The following FMR1 variants were observed in gnomAD, a reference collection of about 807,000 sequenced individuals.
FMR1 encodes the protein FMRP translational regulator 1.
In FMR1, 13 loss-of-function variants were observed where a neutral mutation model predicts 50.6. The observed-to-expected ratio is 0.26, with a 90% confidence interval of 0.17 to 0.41. FMR1 has a LOEUF of 0.41. Among genes scored for constraint, FMR1 ranks in the 10% least tolerant of loss-of-function variants. The pLI is 1.00. For missense variants in FMR1, 316 were observed against 491.3 expected, an observed-to-expected ratio of 0.64 and a Z score of 3.37; for synonymous variants, 138 against 164.1, an observed-to-expected ratio of 0.84 and a Z score of 1.22.
In FMR1 at chrX:147,949,897, G is replaced by A. The variant is rs1254518672; in HGVS notation, c.*1053G>A. The A allele has an allele frequency of 6.1e-6, 2 of 326,868 alleles. No homozygotes were observed. The highest frequency in any genetic ancestry group is 1.2e-5 in the Non-Finnish European group (2 of 169,304). 26.9% of individuals were successfully genotyped at this position (326,868 alleles called of 1,213,427 possible). A position where few individuals can be genotyped will look rare whatever the true frequency, so the allele number is the denominator to read the frequency against. ...ATTTCCATGTATGCATAATAATCCT[G>A]CAAAGTACAGGTACTTTGTCTAAGA... On this transcript the variant is annotated 3_prime_UTR_variant, in exon 17 of 17. Coordinates refer to ENST00000370475, the MANE Select transcript of FMR1 (RefSeq NM_002024.6).
intron 14 of FMR1, 134 bp downstream of exon 14, chrX:147,943,460 G>A: frequency 1.8e-6 from 1 of 569,620 alleles, no homozygotes; most frequent in Non-Finnish European, 2.9e-6. Flanking sequence ...GTTAAATTGT[G>A]TTACAGGAGA....
At chrX:147,918,298 C>T (rs782153482) in intron 1 of FMR1, among the ~76,000 whole-genome samples, 1 of 111,776 alleles carries the variant, frequency 8.9e-6, no homozygotes, top group South Asian at 3.7e-4. Flanking sequence ...TTGTCCTTCA[C>T]GCGAGTGTAG....
At position 147,939,844 on chromosome X, in the gene FMR1, G is replaced by A. The variant is rs781873697; in HGVS notation, c.1189-732G>A. 8.9e-5 allele frequency among the ~76,000 whole-genome samples: 9 copies of A among 101,081 alleles called. No individual in the cohort carries two copies. In the East Asian group the frequency reaches 2.2e-3, roughly 24 times the overall value. The allele number at this position is 101,081 out of a possible 115,157, so 87.8% of individuals were successfully genotyped here. A position where few individuals can be genotyped will look rare whatever the true frequency, so the allele number is the denominator to read the frequency against. On this transcript the variant is annotated intron_variant, in intron 12 of 16. Transcript: ENST00000370475. ...GGCCTGGGGAGGTCGAGGCTACAGCGAGCCATTATCATGCCACTGCACTCC... is the reference window on the plus strand; with the variant it reads ...GGCCTGGGGAGGTCGAGGCTACAGCAAGCCATTATCATGCCACTGCACTCC...
chrX:147,926,903 GA>G (rs2043409428), intron 3 of FMR1, among the ~76,000 whole-genome samples: 1 of 111,026 alleles, frequency 9.0e-6, no homozygotes, highest in African/African-American at 3.3e-5. Context: ...TGACAGATGT[GA>G]GTCTTAAAGA....
In FMR1 at chrX:147,930,256, T is replaced by C. The variant is rs1557178466; in HGVS notation, c.630+12T>C. On this transcript the variant is annotated intron_variant, in intron 7 of 16. Coordinates refer to ENST00000370475, the MANE Select transcript of FMR1 (RefSeq NM_002024.6). ...GTAAGCAGCTGGAGGTATGTCACTT[T>C]CCCTAGCACTGCTTGTAAGGGTACC... The C allele has an allele frequency of 2.0e-6, 2 of 990,410 alleles. No individual in the cohort carries two copies. Among genetic ancestry groups the C allele is most frequent in the Admixed American group, 4.4e-5 (2 of 45,724 alleles). 81.6% of individuals were successfully genotyped at this position (990,410 alleles called of 1,213,427 possible).
chrX:147,948,606 T>A, intron 16 of FMR1, 77 bp from the exon 17 acceptor site: 1 of 1,202,251 alleles, frequency 8.3e-7, no homozygotes, highest in Non-Finnish European at 1.1e-6. Flanking sequence ...ACACTTCAGG[T>A]TTAAATTTCT....
chrX:147,919,823 AGAGCAGC>A (rs1265297620), intron 1 of FMR1, among the ~76,000 whole-genome samples: 2 of 112,198 alleles, frequency 1.8e-5, no homozygotes. Context: ...GTTTTTCTTA[AGAGCAGC>A]TAATTAATGC....
intron 2 of FMR1, chrX:147,924,892 A>C (rs1468834222): frequency 2.7e-5 from 3 of 110,364 alleles, no homozygotes; most frequent in African/African-American, 9.9e-5. Context: ...TTAAATTTAA[A>C]AACATAGGCA....
rs2044256395 is a variant in FMR1 at position 147,948,690 on chromosome X, T to C, written c.1745T>C (p.Val582Ala). The change falls in exon 17 of 17, where the codon GTT becomes GCT. Residue 582 changes from valine to alanine, a missense_variant. Physicochemically the swap from Val to Ala is moderately conservative, Grantham distance 64. Coordinates refer to ENST00000370475, the MANE Select transcript of FMR1 (RefSeq NM_002024.6). ...RTTDGSLQIR[V>A]DCNNERSVHT... is the part of the protein sequence containing the mutation. ...AACTATAACTTGTTTTAGATCAGAG[T>C]TGACTGCAATAATGAAAGGAGTGTC... The C allele has an allele frequency of 1.7e-6, 2 of 1,209,828 alleles. No individual in the cohort carries two copies. Among genetic ancestry groups the C allele is most frequent in the South Asian group, 3.5e-5 (2 of 56,808 alleles).
In FMR1 at chrX:147,919,093, G is replaced by A. The variant is rs1557175945; in HGVS notation, c.52-2840G>A. ...AACTAATGTTAATTACTGCCAAGAT[G>A]TATAAACATTATGAAACCTTAAACA... On this transcript the variant is annotated intron_variant, in intron 1 of 16. Coordinates refer to ENST00000370475, the MANE Select transcript of FMR1 (RefSeq NM_002024.6). Among the ~76,000 whole-genome samples, 4 of 111,750 alleles carry A rather than the reference G, an allele frequency of 3.6e-5. No individual in the cohort carries two copies. The Admixed American group carries it at 3.8e-4, about 11-fold the overall frequency.
rs782216982 is a variant in FMR1, at chrX:147,918,528, C to T, written c.52-3405C>T. 5.4e-5 allele frequency among the ~76,000 whole-genome samples: 5 copies of T among 92,578 alleles called. No individual in the cohort carries two copies. In the East Asian group the frequency reaches 1.2e-3, roughly 22 times the overall value. 80.4% of individuals were successfully genotyped at this position (92,578 alleles called of 115,157 possible). Reference sequence around the variant, plus strand: ...TCTGACACTACATCCGGAAATCATCCGGAAATGCATTCAGAGCCTGCAAAA... The same window carrying T: ...TCTGACACTACATCCGGAAATCATCTGGAAATGCATTCAGAGCCTGCAAAA... On this transcript the variant is annotated intron_variant, in intron 1 of 16. Coordinates refer to ENST00000370475, the MANE Select transcript of FMR1 (RefSeq NM_002024.6).
chrX:147,914,514 A>G (rs184073960), intron 1 of FMR1: 2 of 112,556 alleles, frequency 1.8e-5, no homozygotes, highest in East Asian at 5.6e-4. Flanking sequence ...TCAAATTGAT[A>G]GAAAAGCTTT....
chrX:147,949,038 A>T lies in FMR1; in HGVS notation c.*194A>T. On this transcript the variant is annotated 3_prime_UTR_variant, in exon 17 of 17. Coordinates refer to ENST00000370475, the MANE Select transcript of FMR1 (RefSeq NM_002024.6). ...AATTTTCAGATTTGCACAAAAAGAT[A>T]CCTTAAAATTTGAAACATTGCTTTT... 1 of 513,039 alleles carries T rather than the reference A, an allele frequency of 1.9e-6. No individual in the cohort carries two copies. Among genetic ancestry groups the T allele is most frequent in the African/African-American group, 2.3e-5 (1 of 43,690 alleles). 42.3% of individuals were successfully genotyped at this position (513,039 alleles called of 1,213,427 possible).
At chrX:147,947,955 T>C (rs969798701) in intron 16 of FMR1, among the ~76,000 whole-genome samples, 9 of 112,301 alleles carry the variant, frequency 8.0e-5, no homozygotes, top group Non-Finnish European at 1.3e-4. Context: ...AAATATTTTA[T>C]AGCTCTTAGA....
intron 2 of FMR1, chrX:147,924,854 G>A (rs1392124940): frequency 1.8e-5 from 2 of 109,570 alleles, no homozygotes; most frequent in East Asian, 2.8e-4. Flanking sequence ...AAATAATTTG[G>A]TATCTTTCAG....
chrX:147,929,958 G>C lies in FMR1; in HGVS notation c.430G>C (p.Glu144Gln). The C allele has an allele frequency of 1.7e-6, 2 of 1,190,169 alleles. No individual in the cohort carries two copies. Among genetic ancestry groups the C allele is most frequent in the South Asian group, 3.6e-5 (2 of 56,173 alleles). ...TTTTTAAATTTCTAGGTGTGCCAAA[G>C]AGGCGGCACATAAGGATTTTAAAAA... ...PEDLRQMCAK[E>Q]AAHKDFKKAV... Residue 144 changes from glutamate (E) to glutamine (Q), a missense_variant, in exon 6 of 17, where the codon GAG becomes CAG. By Grantham distance (29) the Glu-to-Gln change is conservative. Coordinates refer to ENST00000370475, the MANE Select transcript of FMR1 (RefSeq NM_002024.6).
chrX:147,920,720 T>C (rs187571664), intron 1 of FMR1, among the ~76,000 whole-genome samples: 143 of 111,943 alleles, frequency 1.3e-3, no homozygotes, highest in Middle Eastern at 4.6e-3. Flanking sequence ...GGGATAAGCA[T>C]AGGATGCTAT....
intron 1 of FMR1, 22 bp from the exon 2 acceptor site, chrX:147,921,911 T>C: frequency 9.2e-7 from 1 of 1,084,832 alleles, no homozygotes. Context: ...CACAAGTTAA[T>C]TTAACGTTTT....
At chrX:147,940,300 G>T in intron 12 of FMR1, 1 of 309,658 alleles carries the variant, frequency 3.2e-6, no homozygotes, top group Non-Finnish European at 5.7e-6. Flanking sequence ...GTATAATTTT[G>T]AATTATACAT....
Sources: gnomAD v4.1 joint callset for allele counts (sites outside exome capture counted in the v4.1 genomes callset) on GRCh38, gnomAD v4.1.1 for gene constraint, MANE v1.5 for transcripts, NCBI Gene and HGNC (gene_info 2026-07-23, HGNC 2026-07-21) for gene names.